Variants in SAP130 observed in about 807,000 individuals in gnomAD.
The protein encoded by SAP130 is histone deacetylase complex subunit SAP130.
Under a neutral mutation model 103.2 loss-of-function variants are expected in SAP130, and 16 were observed. The observed-to-expected ratio is 0.16, with a 90% CI of 0.10 to 0.24. The LOEUF is 0.24. Ranked by LOEUF, SAP130 falls within the 10% of genes least tolerant of loss-of-function variation. The probability of loss-of-function intolerance (pLI) is 1.00; values close to 1 mark genes in which losing one functional copy is unlikely to be tolerated. For missense variants in SAP130, 990 were observed against 1,359.7 expected, an observed-to-expected ratio of 0.73 and a Z score of 4.28; for synonymous variants, 477 against 497.0, an observed-to-expected ratio of 0.96 and a Z score of 0.53.
chr2:127,989,485 G>C lies in SAP130; in HGVS notation c.1780+79C>G. 1 of 1,274,618 alleles carries C rather than the reference G, an allele frequency of 7.8e-7. No individual in the cohort carries two copies. The highest frequency in any genetic ancestry group is 1.9e-4 in the Middle Eastern group (1 of 5,190). The allele number at this position is 1,274,618 out of a possible 1,614,324, so 79.0% of individuals were successfully genotyped here. On this transcript the variant is annotated intron_variant, in intron 13 of 20. Coordinates refer to ENST00000643581, the MANE Select transcript of SAP130 (RefSeq NM_001330301.2). The surrounding 1 kb of genome is among the most constrained non-coding windows in gnomAD (Gnocchi z 4.6). ...CCTAGAGAAATTATAAGACGACAAA[G>C]CCAGTGGCAGAGAAAGGATTTAAAC...
At chr2:128,009,780 CTGGT>C (rs1684248094) in intron 7 of SAP130, among the ~76,000 whole-genome samples, 1 of 152,240 alleles carries the variant, frequency 6.6e-6, no homozygotes, top group African/African-American at 2.4e-5. Context: ...CTTGGCCTCA[CTGGT>C]GGTCCTTATA....
At chr2:128,003,957 CTTTTTTTT>C (rs61211577) in intron 7 of SAP130, among the ~76,000 whole-genome samples, 221 of 67,890 alleles carry the variant, frequency 3.3e-3, no homozygotes, top group Middle Eastern at 0.014. Flanking sequence ...CACAGATCAG[CTTTTTTTT>C]TTTTTTTTTT....
intron 3 of SAP130, 148 bp from the exon 4 acceptor site, chr2:128,016,695 G>C (rs1371487670): frequency 1.2e-6 from 1 of 834,120 alleles, no homozygotes; most frequent in East Asian, 2.8e-5. Context: ...TCATCACAGT[G>C]TTTCCACTGA....
In SAP130 at chr2:127,996,774, A is replaced by AGATGCGGTGG. The variant is rs1443698178; in HGVS notation, c.1214-293_1214-284dup. On this transcript the variant is annotated intron_variant, in intron 10 of 20. Transcript: ENST00000643581. The surrounding 1 kb of genome is among the most constrained non-coding windows in gnomAD (Gnocchi z 4.3). ...TCTCCCAACCTGGCTTTTTAATGAC[A>AGATGCGGTGG]GATGCGGTGGCTCACATCTGTCATC... is the stretch of plus-strand genomic sequence containing the variant. 6.6e-6 allele frequency among the ~76,000 whole-genome samples: 1 copy of AGATGCGGTGG among 152,164 alleles called. No individual in the cohort carries two copies. The highest frequency in any genetic ancestry group is 1.5e-5 in the Non-Finnish European group (1 of 68,026).
intron 18 of SAP130, among the ~76,000 whole-genome samples, chr2:127,948,328 G>GTTTTTTTTTT (rs71307269): frequency 9.8e-6 from 1 of 101,536 alleles, no homozygotes; most frequent in Non-Finnish European, 2.0e-5. Context: ...TTTCCTGTGA[G>GTTTTTTTTTT]TTTTTTTTTT....
intron 3 of SAP130, among the ~76,000 whole-genome samples, chr2:128,017,411 T>G (rs974786406): frequency 6.6e-6 from 1 of 151,920 alleles, no homozygotes; most frequent in African/African-American, 2.4e-5. Context: ...CCTTCAAGAT[T>G]GTATCTAACT....
At chr2:127,987,813 T>G (rs1398834707) in intron 13 of SAP130, among the ~76,000 whole-genome samples, 1 of 152,186 alleles carries the variant, frequency 6.6e-6, no homozygotes, top group African/African-American at 2.4e-5. Context: ...CCCCAGTCTA[T>G]CTTTAGAAAC....
At chr2:127,960,863 G>C (rs1379738968) in intron 15 of SAP130, among the ~76,000 whole-genome samples, 3 of 152,126 alleles carry the variant, frequency 2.0e-5, no homozygotes, top group East Asian at 1.9e-4. Flanking sequence ...TTAAGATACT[G>C]ATTTTAGAGA....
intron 9 of SAP130, 47 bp downstream of exon 9, chr2:128,000,009 T>C (rs1170376980): frequency 1.6e-5 from 25 of 1,567,068 alleles, no homozygotes; most frequent in African/African-American, 2.7e-5. Context: ...CCATCACTCT[T>C]GCCTCCTTTT....
chr2:127,965,741 GATCATGCC>G (rs1204500765), intron 15 of SAP130, among the ~76,000 whole-genome samples: 3 of 152,116 alleles, frequency 2.0e-5, no homozygotes, highest in Non-Finnish European at 4.4e-5. Context: ...AGTGAGCCGA[GATCATGCC>G]ACTGCACTCC....
In SAP130 at chr2:127,942,682, T is replaced by C. The variant is rs1251641287; in HGVS notation, c.2902-145A>G. The stretch of plus-strand genomic sequence containing the variant: ...ACGTCCTTTCTCCTAAGGACTAAGA[T>C]ACTAAGGTTTAAAAACAGTAAAGGG... On this transcript the variant is annotated intron_variant, in intron 19 of 20. Coordinates refer to ENST00000643581, the MANE Select transcript of SAP130 (RefSeq NM_001330301.2). The surrounding 1 kb of genome is among the most constrained non-coding windows in gnomAD (Gnocchi z 4.8). 1 of 614,716 alleles carries C rather than the reference T, an allele frequency of 1.6e-6. No homozygotes were observed. Among genetic ancestry groups the C allele is most frequent in the African/African-American group, 1.8e-5 (1 of 54,148 alleles). 38.1% of individuals were successfully genotyped at this position (614,716 alleles called of 1,614,324 possible).
rs1440049729 is a variant in SAP130, at chr2:127,996,750, C to T, written c.1214-259G>A. On this transcript the variant is annotated intron_variant, in intron 10 of 20. Transcript: ENST00000643581. This position sits in a 1 kb window ranked among gnomAD's most constrained non-coding sequence, Gnocchi z 4.3. ...AAGATAGAAGTGACCAGGCTCTTTT[C>T]TCCCAACCTGGCTTTTTAATGACAG... 6.6e-6 allele frequency among the ~76,000 whole-genome samples: 1 copy of T among 152,116 alleles called. No individual in the cohort carries two copies. Among genetic ancestry groups the T allele is most frequent in the East Asian group, 1.9e-4 (1 of 5,172 alleles).
chr2:128,001,685 A>T (rs184266588), intron 7 of SAP130, among the ~76,000 whole-genome samples: 1 of 152,224 alleles, frequency 6.6e-6, no homozygotes, highest in East Asian at 1.9e-4. Flanking sequence ...AACTAGGAGC[A>T]ATAGTTATAG....
chr2:127,988,193 C>G (rs1296112613), intron 13 of SAP130, among the ~76,000 whole-genome samples: 1 of 152,142 alleles, frequency 6.6e-6, no homozygotes, highest in Admixed American at 6.5e-5. Flanking sequence ...GAGGACAAGG[C>G]TGAAGGATAG....
In SAP130 at chr2:128,013,063, T is replaced by C; in HGVS notation, c.711A>G (p.Pro237=). Residue 237 remains proline (P), a synonymous_variant, in exon 6 of 21, where the codon CCA becomes CCG. Coordinates refer to ENST00000643581, the MANE Select transcript of SAP130 (RefSeq NM_001330301.2). Reference sequence around the variant, plus strand: ...GTTGGTGAATGATGTGCTGTACTGCTGGCTGAGCAGTAGCAGCATTTGGCA... The same window carrying C: ...GTTGGTGAATGATGTGCTGTACTGCCGGCTGAGCAGTAGCAGCATTTGGCA... ...SQLPNAATAQ[P]AVQHIIHQPI... is the part of the protein sequence containing the mutation. The C allele has an allele frequency of 6.2e-7, 1 of 1,613,540 alleles. No individual in the cohort carries two copies. Among genetic ancestry groups the C allele is most frequent in the East Asian group, 2.2e-5 (1 of 44,876 alleles).
chr2:128,017,864 C>T lies in SAP130; in HGVS notation c.164G>A (p.Ser55Asn). Residue 55 changes from serine (S) to asparagine (N), a missense_variant, in exon 3 of 21, where the codon AGT becomes AAT. By Grantham distance (46) the Ser-to-Asn change is conservative (BLOSUM62 1). Around this residue, in one of 6 missense-constraint regions of SAP130, gnomAD observed 167 missense variants for 187.4 expected, o/e 0.89. Transcript: ENST00000643581. ...CCGGGACTGGAGGGAGCTGCTGGAA[C>T]TCATGTGCTCCCTGGCACTGACTTC... ...DSEVSAREHMSSSSSLQSREE... is the reference protein window; with the variant it reads ...DSEVSAREHMNSSSSLQSREE... 1 of 1,614,246 alleles carries T rather than the reference C, an allele frequency of 6.2e-7. No homozygotes were observed. The highest frequency in any genetic ancestry group is 8.5e-7 in the Non-Finnish European group (1 of 1,180,044).
intron 7 of SAP130, 48 bp downstream of exon 7, chr2:128,010,218 TGAA>T (rs763846772): frequency 7.6e-5 from 117 of 1,532,182 alleles, no homozygotes; most frequent in Non-Finnish European, 9.1e-5. Flanking sequence ...GAAAAAAGAG[TGAA>T]GGAGGAGGAT....
intron 5 of SAP130, among the ~76,000 whole-genome samples, chr2:128,014,263 CA>C (rs1241992991): frequency 2.6e-5 from 4 of 152,090 alleles, no homozygotes; most frequent in Non-Finnish European, 5.9e-5. Context: ...CTCGCTCTGT[CA>C]CCCAGGCTGG....
intron 2 of SAP130, among the ~76,000 whole-genome samples, chr2:128,022,280 T>G (rs899376421): frequency 6.6e-6 from 1 of 152,244 alleles, no homozygotes; most frequent in South Asian, 2.1e-4. Context: ...TTGTGTATAC[T>G]GGTAGTCTGG....
Sources: allele counts gnomAD v4.1 joint callset (sites outside exome capture counted in the v4.1 genomes callset), GRCh38; gene constraint gnomAD v4.1.1; regional missense constraint gnomAD v4.1.1; non-coding constraint Gnocchi (gnomAD v3.1); transcripts MANE v1.5; gene names NCBI Gene and HGNC (gene_info 2026-07-23, HGNC 2026-07-21).